Variants in BNC2 observed in about 807,000 individuals in gnomAD.
The protein encoded by BNC2 is basonuclin zinc finger protein 2.
In BNC2, 20 loss-of-function variants were observed where a neutral mutation model predicts 76.3. The ratio of observed to expected loss-of-function variants is 0.26; its 90% CI spans 0.18 to 0.38. The LOEUF (loss-of-function observed/expected upper bound fraction) is 0.38, where lower values mean the gene tolerates loss of function less well. BNC2 is among the 10% of genes least tolerant of loss of function. The pLI is 1.00. For missense variants in BNC2, 1,382 were observed against 1,399.8 expected, an observed-to-expected ratio of 0.99 and a Z score of 0.20; for synonymous variants, 582 against 514.8, an observed-to-expected ratio of 1.13 and a Z score of -1.77.
chr9:16,628,138 G>A (rs898353018), intron 3 of BNC2, among the ~76,000 whole-genome samples: 12 of 152,064 alleles, frequency 7.9e-5, no homozygotes, highest in Admixed American at 2.0e-4. Context: ...ATACTTTCCC[G>A]CAAGTACAGT....
At chr9:16,837,876 C>A (rs1033908415) in intron 1 of BNC2, among the ~76,000 whole-genome samples, 1 of 151,694 alleles carries the variant, frequency 6.6e-6, no homozygotes, top group African/African-American at 2.4e-5. Context: ...TGCAGTGAGC[C>A]GAGATCATAC....
chr9:16,856,724 C>G (rs1819266806), intron 1 of BNC2, among the ~76,000 whole-genome samples: 1 of 152,162 alleles, frequency 6.6e-6, no homozygotes, highest in Non-Finnish European at 1.5e-5. Flanking sequence ...TTTAGTCTAT[C>G]AAAAGCCAAT....
chr9:16,572,613 A>C (rs1283458869), intron 4 of BNC2, among the ~76,000 whole-genome samples: 1 of 152,118 alleles, frequency 6.6e-6, no homozygotes, highest in Non-Finnish European at 1.5e-5. Flanking sequence ...AAGTGTATTG[A>C]GAAAATAAAG....
intron 3 of BNC2, among the ~76,000 whole-genome samples, chr9:16,658,172 A>C (rs549377992): frequency 6.6e-6 from 1 of 152,298 alleles, no homozygotes; most frequent in South Asian, 2.1e-4. Context: ...CCAAATCAGT[A>C]ATACATGTAG....
chr9:16,608,661 C>T (rs1328915048), intron 3 of BNC2, among the ~76,000 whole-genome samples: 1 of 152,070 alleles, frequency 6.6e-6, no homozygotes, highest in African/African-American at 2.4e-5. Context: ...GCACACTGTA[C>T]ATTTCCAAAA....
intron 3 of BNC2, among the ~76,000 whole-genome samples, chr9:16,643,225 G>C (rs1821536974): frequency 1.3e-5 from 2 of 150,884 alleles, no homozygotes; most frequent in Admixed American, 6.6e-5. Flanking sequence ...AGAATCGCTT[G>C]AACCTGGGAA....
chr9:16,725,018 G>C (rs1300653164), intron 3 of BNC2, among the ~76,000 whole-genome samples: 2 of 151,916 alleles, frequency 1.3e-5, no homozygotes, highest in Non-Finnish European at 2.9e-5. Flanking sequence ...ATTTTACTTA[G>C]AAATAAAATA....
At chr9:16,650,562 T>G (rs1321909173) in intron 3 of BNC2, among the ~76,000 whole-genome samples, 1 of 151,920 alleles carries the variant, frequency 6.6e-6, no homozygotes, top group Non-Finnish European at 1.5e-5. Context: ...TTTTTATTTT[T>G]TTTACACAGT....
intron 5 of BNC2, among the ~76,000 whole-genome samples, chr9:16,448,766 A>AT (rs763223658): frequency 2.0e-5 from 3 of 152,188 alleles, no homozygotes; most frequent in Non-Finnish European, 4.4e-5. Flanking sequence ...ACAAAGATTA[A>AT]TTTCCTGCTT....
intron 3 of BNC2, among the ~76,000 whole-genome samples, chr9:16,655,833 T>C (rs1459034390): frequency 6.6e-6 from 1 of 152,196 alleles, no homozygotes; most frequent in African/African-American, 2.4e-5. Flanking sequence ...TGTCCTGGCA[T>C]GCACAGTCAG....
intron 5 of BNC2, among the ~76,000 whole-genome samples, chr9:16,471,230 T>C (rs1720429213): frequency 6.6e-6 from 1 of 152,128 alleles, no homozygotes; most frequent in Non-Finnish European, 1.5e-5. Flanking sequence ...CCATTTGGAA[T>C]GGCTGTATTT....
chr9:16,578,860 T>C (rs1819555358), intron 4 of BNC2, among the ~76,000 whole-genome samples: 1 of 152,224 alleles, frequency 6.6e-6, no homozygotes, highest in Non-Finnish European at 1.5e-5. Flanking sequence ...ATAGTATTTA[T>C]AGTATTTCAG....
At chr9:16,800,394 T>C (rs780712692) in intron 1 of BNC2, among the ~76,000 whole-genome samples, 1 of 152,156 alleles carries the variant, frequency 6.6e-6, no homozygotes, top group Non-Finnish European at 1.5e-5. Context: ...GAGCACAGCG[T>C]CTGTCCTCTC....
intron 5 of BNC2, among the ~76,000 whole-genome samples, chr9:16,451,936 G>A (rs1821348815): frequency 6.6e-6 from 1 of 152,126 alleles, no homozygotes; most frequent in Admixed American, 6.5e-5. Flanking sequence ...GCCATGTTTT[G>A]TCTTTACATA....
At chr9:16,689,721 A>C (rs565322672) in intron 3 of BNC2, among the ~76,000 whole-genome samples, 2 of 152,294 alleles carry the variant, frequency 1.3e-5, no homozygotes, top group East Asian at 3.9e-4. Context: ...ATGGCTAGGT[A>C]CAAGCACTGC....
intron 1 of BNC2, among the ~76,000 whole-genome samples, chr9:16,790,232 C>T (rs1016496555): frequency 2.6e-5 from 4 of 152,112 alleles, no homozygotes; most frequent in South Asian, 2.1e-4. Context: ...CTACTGACCT[C>T]GTGATCCGCC....
intron 1 of BNC2, among the ~76,000 whole-genome samples, chr9:16,808,485 T>TTA (rs1186683024): frequency 1.6e-5 from 2 of 124,606 alleles, no homozygotes; most frequent in Non-Finnish European, 3.4e-5. Context: ...GCAACTTTTT[T>TTA]TTTTTTTTTT....
intron 5 of BNC2, among the ~76,000 whole-genome samples, chr9:16,450,994 C>T (rs569125019): frequency 5.9e-5 from 9 of 152,312 alleles, no homozygotes; most frequent in Middle Eastern, 3.4e-3. Flanking sequence ...AAAATCTTTC[C>T]TGATTTATTT....
intron 4 of BNC2, among the ~76,000 whole-genome samples, chr9:16,560,684 T>G (rs1818984584): frequency 6.6e-6 from 1 of 152,236 alleles, no homozygotes; most frequent in South Asian, 2.1e-4. Flanking sequence ...GCTATGATCC[T>G]GCACTATACT....
Sources: allele counts gnomAD v4.1 joint callset (sites outside exome capture counted in the v4.1 genomes callset), GRCh38; gene constraint gnomAD v4.1.1; transcripts MANE v1.5; gene names NCBI Gene and HGNC (gene_info 2026-07-23, HGNC 2026-07-21).